The following LRMDA variants were observed in gnomAD, a reference collection of about 807,000 sequenced individuals.
LRMDA encodes the protein leucine rich melanocyte differentiation associated, also known as leucine-rich melanocyte differentiation-associated protein.
A neutral mutation model predicts 29.8 loss-of-function variants in LRMDA; 18 were observed. That is an observed-to-expected ratio of 0.60 (90% confidence interval 0.42 to 0.90). The LOEUF is 0.90. LRMDA is among the 40% of genes least tolerant of loss of function. The pLI, the probability that LRMDA is intolerant of heterozygous loss-of-function variation, is 0.00. For synonymous variants in LRMDA, 125 were observed against 109.4 expected, an observed-to-expected ratio of 1.14 and a Z score of -0.89; for missense variants, 273 against 273.9, an observed-to-expected ratio of 1.00 and a Z score of 0.02.
intron 5 of LRMDA, among the ~76,000 whole-genome samples, chr10:76,197,306 C>G (rs1411628610): frequency 6.6e-6 from 1 of 152,186 alleles, no homozygotes; most frequent in Non-Finnish European, 1.5e-5. Context: ...CAGATCATTG[C>G]CTTCCTCCAT....
At chr10:75,930,778 T>A (rs1846193380) in intron 2 of LRMDA, among the ~76,000 whole-genome samples, 1 of 152,234 alleles carries the variant, frequency 6.6e-6, no homozygotes, top group Non-Finnish European at 1.5e-5. Context: ...GTGTTAATTG[T>A]GATTCTTAGA....
chr10:75,768,784 G>T (rs1246599412), intron 2 of LRMDA, among the ~76,000 whole-genome samples: 2 of 152,158 alleles, frequency 1.3e-5, no homozygotes, highest in African/African-American at 4.8e-5. Context: ...TAGTACAATG[G>T]GATTGTATGT....
intron 5 of LRMDA, among the ~76,000 whole-genome samples, chr10:76,123,420 G>A (rs900043695): frequency 6.6e-6 from 1 of 151,958 alleles, no homozygotes; most frequent in African/African-American, 2.4e-5. Context: ...AAGGTGGGAG[G>A]ATCACCTGAG....
intron 2 of LRMDA, among the ~76,000 whole-genome samples, chr10:75,679,043 CCCT>C (rs1205560584): frequency 6.6e-6 from 1 of 152,126 alleles, no homozygotes; most frequent in African/African-American, 2.4e-5. Flanking sequence ...AAACACAGAG[CCCT>C]CCTCCTCTAA....
intron 5 of LRMDA, among the ~76,000 whole-genome samples, chr10:76,231,140 G>A (rs1449926603): frequency 6.6e-6 from 1 of 151,840 alleles, no homozygotes; most frequent in Non-Finnish European, 1.5e-5. Flanking sequence ...ATGTTGTGGG[G>A]GAAAGAGAAA....
At chr10:75,986,425 T>C (rs111389954) in intron 2 of LRMDA, among the ~76,000 whole-genome samples, 325 of 152,370 alleles carry the variant, frequency 2.1e-3, no homozygotes, top group Non-Finnish European at 4.1e-3. Flanking sequence ...ATGTTGTACC[T>C]TCTTTCCACT....
chr10:76,424,282 T>G (rs1052764462), intron 6 of LRMDA, among the ~76,000 whole-genome samples: 8 of 152,150 alleles, frequency 5.3e-5, no homozygotes, highest in Non-Finnish European at 1.0e-4. Flanking sequence ...ATGATTGACC[T>G]GCGTAACAGT....
At chr10:75,464,869 CAA>C (rs1344284558) in intron 2 of LRMDA, among the ~76,000 whole-genome samples, 2 of 152,184 alleles carry the variant, frequency 1.3e-5, no homozygotes, top group Non-Finnish European at 2.9e-5. Flanking sequence ...AGCCATGACT[CAA>C]GAGAGCACAA....
intron 1 of LRMDA, among the ~76,000 whole-genome samples, chr10:75,432,496 A>T (rs1194431599): frequency 1.3e-5 from 2 of 152,102 alleles, no homozygotes; most frequent in African/African-American, 4.8e-5. Context: ...GAACCCAGCC[A>T]CTCTGGGACC....
chr10:76,313,353 ATGAT>A (rs1276512497), intron 5 of LRMDA, among the ~76,000 whole-genome samples: 1 of 152,204 alleles, frequency 6.6e-6, no homozygotes, highest in Non-Finnish European at 1.5e-5. Flanking sequence ...TATCATTATC[ATGAT>A]TGTGACTATT....
chr10:75,565,411 C>A (rs1840359136), intron 2 of LRMDA, among the ~76,000 whole-genome samples: 1 of 152,216 alleles, frequency 6.6e-6, no homozygotes, highest in South Asian at 2.1e-4. Flanking sequence ...TTGCTCTTGG[C>A]CTCTTAATTG....
intron 2 of LRMDA, among the ~76,000 whole-genome samples, chr10:75,964,353 G>A (rs1332039912): frequency 6.6e-6 from 1 of 152,156 alleles, no homozygotes; most frequent in Non-Finnish European, 1.5e-5. Context: ...AGGTAGACAG[G>A]AAACATTTTC....
chr10:75,685,647 G>A (rs899767527), intron 2 of LRMDA, among the ~76,000 whole-genome samples: 2 of 152,204 alleles, frequency 1.3e-5, no homozygotes, highest in African/African-American at 4.8e-5. Context: ...TTGAAGTCCA[G>A]GGGACAAAGA....
intron 6 of LRMDA, among the ~76,000 whole-genome samples, chr10:76,449,443 C>T (rs747888285): frequency 1.1e-4 from 17 of 151,778 alleles, no homozygotes; most frequent in Non-Finnish European, 1.9e-4. Context: ...TTGTTGCTAT[C>T]ATTGTTTTTT....
chr10:75,717,060 G>T (rs1842509849), intron 2 of LRMDA, among the ~76,000 whole-genome samples: 1 of 152,092 alleles, frequency 6.6e-6, no homozygotes, highest in African/African-American at 2.4e-5. Context: ...TTTCCTGCAT[G>T]TGACTGCCAT....
At chr10:76,169,500 A>G (rs568368364) in intron 5 of LRMDA, among the ~76,000 whole-genome samples, 3 of 152,254 alleles carry the variant, frequency 2.0e-5, no homozygotes, top group South Asian at 4.2e-4. Context: ...AGTTGGTATC[A>G]GGGCTGATGG....
At chr10:75,775,058 A>G (rs565560146) in intron 2 of LRMDA, among the ~76,000 whole-genome samples, 38 of 152,306 alleles carry the variant, frequency 2.5e-4, no homozygotes, top group African/African-American at 7.7e-4. Flanking sequence ...CTGGCCATTA[A>G]CTTTTCCTTC....
intron 1 of LRMDA, 109 bp downstream of exon 1, chr10:75,431,863 G>T: frequency 9.0e-7 from 1 of 1,107,228 alleles, no homozygotes; most frequent in Non-Finnish European, 1.1e-6. Flanking sequence ...CGCCTCAGGG[G>T]GCTGCGTCTG....
chr10:76,204,641 C>T (rs957943925), intron 5 of LRMDA, among the ~76,000 whole-genome samples: 2 of 152,234 alleles, frequency 1.3e-5, no homozygotes, highest in Non-Finnish European at 2.9e-5. Context: ...AGGTCCAGGG[C>T]TCTTTCCCTA....
Sources: allele counts gnomAD v4.1 joint callset (sites outside exome capture counted in the v4.1 genomes callset), GRCh38; gene constraint gnomAD v4.1.1; transcripts MANE v1.5; gene names NCBI Gene and HGNC (gene_info 2026-07-23, HGNC 2026-07-21).